MVB12B: variants seen among roughly 807,000 people sequenced by gnomAD.
MVB12B encodes ESCRT-I complex subunit MVB12B.
A neutral mutation model predicts 41.6 loss-of-function variants in MVB12B; 16 were observed. The observed-to-expected ratio is 0.38, with a 90% CI of 0.26 to 0.58. The LOEUF is 0.58. MVB12B is among the 20% of genes least tolerant of loss of function. The pLI is 0.62. For synonymous variants in MVB12B, 133 were observed against 139.7 expected (o/e 0.95, Z 0.34); for missense variants, 274 against 380.2 (o/e 0.72, Z 2.32).
chr9:126,429,399 C>G (rs954974130), intron 7 of MVB12B, among the ~76,000 whole-genome samples: 4 of 152,204 alleles, frequency 2.6e-5, no homozygotes, highest in African/African-American at 9.6e-5. Context: ...CATGTGTGTG[C>G]TGTCAGGCGC....
chr9:126,428,105 A>T (rs1295499337), intron 7 of MVB12B, among the ~76,000 whole-genome samples: 1 of 152,108 alleles, frequency 6.6e-6, no homozygotes, highest in East Asian at 1.9e-4. Context: ...CCATCATCTC[A>T]TCAGTTTGGA....
chr9:126,408,404 C>T (rs1053902635), intron 6 of MVB12B: 1 of 141,418 alleles, frequency 7.1e-6, no homozygotes, highest in Non-Finnish European at 1.6e-5. Flanking sequence ...CGATGCCATT[C>T]GCTCCCCCCA....
chr9:126,394,869 C>T (rs1222428898), intron 5 of MVB12B, among the ~76,000 whole-genome samples: 2 of 152,196 alleles, frequency 1.3e-5, no homozygotes, highest in African/African-American at 4.8e-5. Context: ...AAGTTGGAAA[C>T]TGAATATGGT....
chr9:126,424,360 C>T (rs982909291), intron 7 of MVB12B, among the ~76,000 whole-genome samples: 5 of 152,058 alleles, frequency 3.3e-5, no homozygotes, highest in Admixed American at 1.3e-4. Context: ...CCAGTGGAGA[C>T]GATATGTAGT....
rs1831082676 is a variant in MVB12B, at chr9:126,395,432, T to C, written c.540-143T>C. The C allele has an allele frequency of 2.0e-6, 2 of 986,324 alleles. No homozygotes were observed. Among genetic ancestry groups the C allele is most frequent in the African/African-American group, 3.3e-5 (2 of 61,198 alleles). The allele number at this position is 986,324 out of a possible 1,614,324, so 61.1% of individuals were successfully genotyped here. A position where few individuals can be genotyped will look rare whatever the true frequency, so the allele number is the denominator to read the frequency against. ...GACACCCAGAGCACAAAGGAGACGG[T>C]GGAACCCATTTCACGTGGAGGGCAA... On this transcript the variant is annotated intron_variant, in intron 5 of 9. Coordinates refer to ENST00000361171, the MANE Select transcript of MVB12B (RefSeq NM_033446.3). The surrounding 1 kb of genome is among the most constrained non-coding windows in gnomAD (Gnocchi z 4.9).
rs1021557365 is a variant in MVB12B at position 126,473,860 on chromosome 9, T to C, written c.758-7509T>C. Among the ~76,000 whole-genome samples the C allele has an allele frequency of 8.5e-5, 13 of 152,338 alleles. No individual in the cohort carries two copies. The highest frequency in any genetic ancestry group is 3.1e-4 in the African/African-American group (13 of 41,574). On this transcript the variant is annotated intron_variant, in intron 7 of 9. Coordinates refer to ENST00000361171, the MANE Select transcript of MVB12B (RefSeq NM_033446.3). The surrounding 1 kb of genome is among the most constrained non-coding windows in gnomAD (Gnocchi z 4.0). ...GTGGTAATGTTGAGGCTTGAGTTATTTGATGCCTGTTCACCACCTTGTGTA... is the reference window on the plus strand; with the variant it reads ...GTGGTAATGTTGAGGCTTGAGTTATCTGATGCCTGTTCACCACCTTGTGTA...
In MVB12B at chr9:126,395,636, T is replaced by A. The variant is rs757552035; in HGVS notation, c.601T>A (p.Ser201Thr). The change falls in exon 6 of 10, where the codon TCT becomes ACT. Residue 201 changes from serine (S) to threonine (T), a missense_variant. Transcript: ENST00000361171. This position sits in a 1 kb window ranked among gnomAD's most constrained non-coding sequence, Gnocchi z 4.9. ...MGRVPRNHDS[S>T]QPTTPSQSSA... ...CAGAGTACCAAGAAATCATGACTCATCTCAACCCACAACGCCTTCCCAGTC... is the reference window on the plus strand; with the variant it reads ...CAGAGTACCAAGAAATCATGACTCAACTCAACCCACAACGCCTTCCCAGTC... The A allele has an allele frequency of 6.2e-7, 1 of 1,614,186 alleles. No homozygotes were observed. Among genetic ancestry groups the A allele is most frequent in the Non-Finnish European group, 8.5e-7 (1 of 1,180,042 alleles).
chr9:126,426,863 T>C (rs1233181166), intron 7 of MVB12B: 3 of 152,410 alleles, frequency 2.0e-5, no homozygotes, highest in African/African-American at 4.8e-5. Flanking sequence ...CGAAGAGCTG[T>C]CCTTCCTCAT....
chr9:126,330,203 G>A (rs1381379298), intron 1 of MVB12B, among the ~76,000 whole-genome samples: 2 of 152,044 alleles, frequency 1.3e-5, no homozygotes, highest in African/African-American at 2.4e-5. Context: ...GAGCCCAGGG[G>A]TTGCACATAG....
Position 126,391,458 on chromosome 9 carries a change from G to A in MVB12B, c.410-608G>A, listed in dbSNP as rs1188182333. 2.6e-5 allele frequency among the ~76,000 whole-genome samples: 4 copies of A among 152,236 alleles called. No individual in the cohort carries two copies. Among genetic ancestry groups the A allele is most frequent in the Non-Finnish European group, 4.4e-5 (3 of 68,038 alleles). ...TGGATGATACTCAGGAATTCTGTTC[G>A]TTTTGTTAGGAATGGTGATGGCATG... On this transcript the variant is annotated intron_variant, in intron 4 of 9. Coordinates refer to ENST00000361171, the MANE Select transcript of MVB12B (RefSeq NM_033446.3). The surrounding 1 kb of genome is among the most constrained non-coding windows in gnomAD (Gnocchi z 4.4).
In MVB12B at chr9:126,421,836, C is replaced by T. The variant is rs755471928; in HGVS notation, c.663-18C>T. On this transcript the variant is annotated intron_variant, in intron 6 of 9. Coordinates refer to ENST00000361171, the MANE Select transcript of MVB12B (RefSeq NM_033446.3). ...ATGCTCCTTGTAATCTCCTTTCTCT[C>T]GTCCTTCTCTTCCTCAGGCACATCT... 1.8e-5 allele frequency: 28 copies of T among 1,594,008 alleles called. No homozygotes were observed. Among genetic ancestry groups the T allele is most frequent in the South Asian group, 1.7e-4 (15 of 90,678 alleles).
chr9:126,366,785 G>A (rs1368139292), intron 2 of MVB12B, among the ~76,000 whole-genome samples: 6 of 151,992 alleles, frequency 3.9e-5, no homozygotes, highest in East Asian at 3.9e-4. Context: ...CTCACTTGGC[G>A]TCTGGCCCTG....
intron 2 of MVB12B, among the ~76,000 whole-genome samples, chr9:126,370,444 G>A (rs1830305413): frequency 1.3e-5 from 2 of 148,756 alleles, no homozygotes; most frequent in Non-Finnish European, 3.0e-5. Context: ...GTGCAGTGGC[G>A]CCATCTCAGC....
chr9:126,401,365 G>C lies in MVB12B; in HGVS notation c.662+5668G>C, dbSNP rs1831264459. Among the ~76,000 whole-genome samples, 2 of 152,228 alleles carry C rather than the reference G, an allele frequency of 1.3e-5. 1 individual carries two copies. The highest frequency in any genetic ancestry group is 4.1e-4 in the South Asian group (2 of 4,828). On this transcript the variant is annotated intron_variant, in intron 6 of 9. Transcript: ENST00000361171. ...AGCTCCCAGCAAGTTGTCAGTCACA[G>C]GTTCGGAAGTATGTTTCTTAGTGAC...
intron 2 of MVB12B, among the ~76,000 whole-genome samples, chr9:126,380,323 C>G (rs766000425): frequency 2.0e-5 from 3 of 152,224 alleles, no homozygotes; most frequent in Non-Finnish European, 4.4e-5. Flanking sequence ...GAATATCCCC[C>G]AGCCCAGCCC....
Position 126,459,544 on chromosome 9 carries a change from C to T in MVB12B, c.758-21825C>T, listed in dbSNP as rs1833047798. The stretch of plus-strand genomic sequence containing the variant: ...CAGCACGCGGGCACGCAGCCCACAG[C>T]AGCATTTCTCATGGTGCCATTGTGT... On this transcript the variant is annotated intron_variant, in intron 7 of 9. Transcript: ENST00000361171. This position sits in a 1 kb window ranked among gnomAD's most constrained non-coding sequence, Gnocchi z 4.3. 6.6e-6 allele frequency among the ~76,000 whole-genome samples: 1 copy of T among 152,124 alleles called. No individual in the cohort carries two copies.
intron 2 of MVB12B, among the ~76,000 whole-genome samples, chr9:126,366,011 A>T (rs759861533): frequency 9.2e-5 from 14 of 152,026 alleles, no homozygotes; most frequent in Non-Finnish European, 1.3e-4. Flanking sequence ...TCTCATTTCC[A>T]CATCTTCCTG....
In MVB12B at chr9:126,421,940, C is replaced by G. The variant is rs1354609063; in HGVS notation, c.749C>G (p.Ala250Gly). 2 of 1,612,870 alleles carry G rather than the reference C, an allele frequency of 1.2e-6. No individual in the cohort carries two copies. Among genetic ancestry groups the G allele is most frequent in the African/African-American group, 2.7e-5 (2 of 75,006 alleles). Residue 250 changes from alanine (A) to glycine (G), a missense_variant, in exon 7 of 10, where the codon GCC becomes GGC. Ala to Gly is a moderately conservative substitution (Grantham distance 60). Transcript: ENST00000361171. The part of the protein sequence containing the change: ...DYEYQHSNLY[A>G]ISAMDGVPFM... ...GAGTACCAGCACTCCAATTTGTATG[C>G]CATATCAGGTATGTGGAGCCACCGC...
intron 7 of MVB12B, among the ~76,000 whole-genome samples, chr9:126,433,337 T>C (rs561358420): frequency 2.7e-5 from 4 of 149,054 alleles, no homozygotes; most frequent in South Asian, 2.1e-4. Flanking sequence ...GGTATCCCCT[T>C]TGATACACCA....
Sources: gnomAD v4.1 joint callset for allele counts (sites outside exome capture counted in the v4.1 genomes callset) on GRCh38, gnomAD v4.1.1 for gene constraint, Gnocchi (gnomAD v3.1) non-coding constraint, MANE v1.5 for transcripts, NCBI Gene and HGNC (gene_info 2026-07-23, HGNC 2026-07-21) for gene names.